The following ST7 variants were observed in gnomAD, a reference collection of about 807,000 sequenced individuals.
ST7 encodes the protein suppression of tumorigenicity 7.
In ST7, 28 loss-of-function variants were observed where a neutral mutation model predicts 78.7. That is an observed-to-expected ratio of 0.36 (90% CI 0.26 to 0.49). The LOEUF (loss-of-function observed/expected upper bound fraction) is 0.49. Among genes scored for constraint, ST7 ranks in the 20% least tolerant of loss-of-function variants. The pLI, the probability that ST7 is intolerant of heterozygous loss-of-function variation, is 0.99. For synonymous variants in ST7, 247 were observed against 249.6 expected, an observed-to-expected ratio of 0.99 and a Z score of 0.10; for missense variants, 418 against 696.0, an observed-to-expected ratio of 0.60 and a Z score of 4.49.
intron 12 of ST7, among the ~76,000 whole-genome samples, chr7:117,192,811 TA>T (rs1809917900): frequency 6.6e-6 from 1 of 152,202 alleles, no homozygotes; most frequent in African/African-American, 2.4e-5. Flanking sequence ...AGAAACACTT[TA>T]AGGCTGCCAT....
chr7:117,175,795 A>C (rs1232753251), intron 10 of ST7, among the ~76,000 whole-genome samples: 1 of 152,200 alleles, frequency 6.6e-6, no homozygotes, highest in Non-Finnish European at 1.5e-5. Context: ...ATTATTCGCT[A>C]TTATAAAGAG....
intron 1 of ST7, among the ~76,000 whole-genome samples, chr7:117,012,339 T>A (rs1004556409): frequency 6.6e-6 from 1 of 151,814 alleles, no homozygotes; most frequent in African/African-American, 2.4e-5. Context: ...GGCAGTATTG[T>A]GTACTGGTTA....
At chr7:117,184,867 C>A (rs559344323) in intron 10 of ST7, among the ~76,000 whole-genome samples, 2 of 151,994 alleles carry the variant, frequency 1.3e-5, no homozygotes, top group Admixed American at 6.6e-5. Flanking sequence ...AAAATATCAC[C>A]GTTGGGAGAA....
intron 1 of ST7, among the ~76,000 whole-genome samples, chr7:117,046,531 G>A (rs1307722325): frequency 1.3e-5 from 2 of 152,086 alleles, no homozygotes; most frequent in Non-Finnish European, 2.9e-5. Flanking sequence ...GTCACTGCAT[G>A]CTGCTCCCAC....
intron 1 of ST7, chr7:116,966,179 G>T: frequency 1.4e-5 from 5 of 365,222 alleles, no homozygotes; most frequent in South Asian, 6.8e-5. Flanking sequence ...CTTTTTTAGT[G>T]GATTACACTT....
chr7:117,208,261 T>C (rs1791959558), intron 12 of ST7, among the ~76,000 whole-genome samples: 3 of 152,196 alleles, frequency 2.0e-5, no homozygotes, highest in Admixed American at 1.3e-4. Flanking sequence ...AAAGCTCTTC[T>C]AGAACTCATG....
At chr7:117,111,092 C>T (rs1292756794) in intron 2 of ST7, among the ~76,000 whole-genome samples, 1 of 151,922 alleles carries the variant, frequency 6.6e-6, no homozygotes, top group Non-Finnish European at 1.5e-5. Context: ...ACATGCCTAG[C>T]CTTTAGGGAC....
intron 12 of ST7, among the ~76,000 whole-genome samples, chr7:117,206,949 T>C (rs1285510756): frequency 1.3e-5 from 2 of 152,236 alleles, no homozygotes; most frequent in Non-Finnish European, 2.9e-5. Flanking sequence ...GCACTTGAAA[T>C]ATGGCTAGTG....
chr7:117,097,908 A>ATATTT, intron 1 of ST7, among the ~76,000 whole-genome samples: 12 of 30,010 alleles, frequency 4.0e-4, no homozygotes, highest in African/African-American at 1.6e-3. Context: ...ATATATATAT[A>ATATTT]TTTTTTTTTT....
intron 10 of ST7, among the ~76,000 whole-genome samples, chr7:117,179,196 T>A (rs1024213400): frequency 6.6e-6 from 1 of 152,216 alleles, no homozygotes; most frequent in Non-Finnish European, 1.5e-5. Flanking sequence ...CGTACAACAC[T>A]GATCAATTTT....
intron 1 of ST7, among the ~76,000 whole-genome samples, chr7:117,088,806 G>A (rs10266059): frequency 2.6e-5 from 4 of 152,192 alleles, no homozygotes; most frequent in Non-Finnish European, 5.9e-5. Context: ...GAACAAATGG[G>A]AGTGTCCTTT....
intron 15 of ST7, among the ~76,000 whole-genome samples, chr7:117,228,680 G>A (rs1271156941): frequency 6.6e-6 from 1 of 152,152 alleles, no homozygotes; most frequent in Non-Finnish European, 1.5e-5. Flanking sequence ...CCTAGTAAAG[G>A]AGCCTGATTT....
At position 117,136,129 on chromosome 7, in the gene ST7, T is replaced by G; in HGVS notation, c.759T>G (p.Ile253Met). Reference sequence around the variant, plus strand: ...TGGCTGAAGAGGAAGCAACAACCATTGCTGAAGCAGAAAAATTATTTAAGC... The same window carrying G: ...TGGCTGAAGAGGAAGCAACAACCATGGCTGAAGCAGAAAAATTATTTAAGC... ...ILLAEEEATT[I>M]AEAEKLFKQA... Residue 253 changes from isoleucine to methionine, a missense_variant, in exon 8 of 16, where the codon ATT becomes ATG. Transcript: ENST00000323984. 1 of 1,613,536 alleles carries G rather than the reference T, an allele frequency of 6.2e-7. No homozygotes were observed.
chr7:117,019,763 T>A (rs1485289128), intron 1 of ST7, among the ~76,000 whole-genome samples: 1 of 152,246 alleles, frequency 6.6e-6, no homozygotes, highest in Non-Finnish European at 1.5e-5. Flanking sequence ...TGTGTAATAG[T>A]ATACATATTT....
At chr7:117,175,504 T>A (rs1808281998) in intron 10 of ST7, among the ~76,000 whole-genome samples, 1 of 152,184 alleles carries the variant, frequency 6.6e-6, no homozygotes, top group East Asian at 1.9e-4. Context: ...TAGTTCTGCC[T>A]GTCTCTAGTT....
At chr7:117,017,147 A>G (rs1272957090) in intron 1 of ST7, among the ~76,000 whole-genome samples, 1 of 152,024 alleles carries the variant, frequency 6.6e-6, no homozygotes, top group Non-Finnish European at 1.5e-5. Flanking sequence ...TTTCCTGATA[A>G]TTTTACCTAA....
chr7:117,153,796 C>T (rs896242093), intron 9 of ST7, among the ~76,000 whole-genome samples: 5 of 152,006 alleles, frequency 3.3e-5, no homozygotes, highest in African/African-American at 1.2e-4. Flanking sequence ...TGTTATCTCC[C>T]GAATGTGAGG....
intron 1 of ST7, among the ~76,000 whole-genome samples, chr7:117,009,472 A>G (rs1795300366): frequency 6.6e-6 from 1 of 152,118 alleles, no homozygotes; most frequent in East Asian, 1.9e-4. Flanking sequence ...GTACAAACCT[A>G]TAGTTTGATT....
intron 1 of ST7, among the ~76,000 whole-genome samples, chr7:116,961,434 C>T (rs1052435738): frequency 2.6e-5 from 4 of 152,086 alleles, no homozygotes; most frequent in African/African-American, 7.2e-5. Context: ...GATATTGATT[C>T]TTCCTATCCG....
Sources: allele counts gnomAD v4.1 joint callset (sites outside exome capture counted in the v4.1 genomes callset), GRCh38; gene constraint gnomAD v4.1.1; transcripts MANE v1.5; gene names NCBI Gene and HGNC (gene_info 2026-07-23, HGNC 2026-07-21).